The following NF1 variants were observed in gnomAD, a reference collection of about 807,000 sequenced individuals.
NF1 encodes neurofibromin 1, also known as neurofibromin.
NF1 carries 122 observed loss-of-function variants against 325.7 expected under a neutral mutation model. That is an observed-to-expected ratio of 0.37 (90% CI 0.32 to 0.44). NF1 has a LOEUF of 0.44. NF1 is among the 20% of genes least tolerant of loss of function. NF1 has a pLI of 1.00. For missense variants in NF1, 2,140 were observed against 3,415.4 expected, an observed-to-expected ratio of 0.63 and a Z score of 9.31; for synonymous variants, 1,091 against 1,186.0, an observed-to-expected ratio of 0.92 and a Z score of 1.65.
Position 31,232,768 on chromosome 17 carries a change from G to A in NF1, c.3383G>A (p.Gly1128Asp), listed in dbSNP as rs1060500325. 1 of 1,613,822 alleles carries A rather than the reference G, an allele frequency of 6.2e-7. No homozygotes were observed. The stretch of plus-strand genomic sequence containing the variant: ...GTTGAAGATGAAAGTGCGCAAACAG[G>A]TGGCAGGAAACGTGGCATGTCTCGG... ...SEVEDESAQT[G>D]GRKRGMSRRL... Residue 1128 changes from glycine (G) to aspartate (D), a missense_variant, in exon 26 of 58, where the codon GGT becomes GAT. Gly to Asp is a moderately conservative substitution (Grantham distance 94). Coordinates refer to ENST00000358273, the MANE Select transcript of NF1 (RefSeq NM_001042492.3).
Position 31,289,413 on chromosome 17 carries a change from G to A in NF1, c.4835+24074G>A, listed in dbSNP as rs114109467. 9.4e-3 allele frequency among the ~76,000 whole-genome samples: 1,428 copies of A among 152,226 alleles called. 24 individuals are homozygous for A. Among genetic ancestry groups the A allele is most frequent in the African/African-American group, 0.032 (1,345 of 41,522 alleles). Reference sequence around the variant, plus strand: ...CATCTTGTGTCTTCTTATTTCTCTTGTTTTCTTACTCAGTCTAGATGCCCT... The same window carrying A: ...CATCTTGTGTCTTCTTATTTCTCTTATTTTCTTACTCAGTCTAGATGCCCT... On this transcript the variant is annotated intron_variant, in intron 36 of 57. Coordinates refer to ENST00000358273, the MANE Select transcript of NF1 (RefSeq NM_001042492.3).
chr17:31,160,485 C>A (rs956893009), intron 3 of NF1, among the ~76,000 whole-genome samples: 4 of 152,118 alleles, frequency 2.6e-5, no homozygotes, highest in African/African-American at 9.7e-5. Flanking sequence ...CGAAGGTGAG[C>A]TAGTTGTTTT....
intron 1 of NF1, among the ~76,000 whole-genome samples, chr17:31,104,117 G>GT (rs1157598586): frequency 1.1e-4 from 17 of 152,044 alleles, no homozygotes; most frequent in Admixed American, 9.2e-4. Flanking sequence ...TTAAACAAAA[G>GT]TTTAAGTCAT....
Position 31,358,540 on chromosome 17 carries a change from G to A in NF1, c.8031G>A (p.Leu2677=), listed in dbSNP as rs1555536905. 1.2e-6 allele frequency: 2 copies of A among 1,613,802 alleles called. No homozygotes were observed. The highest frequency in any genetic ancestry group is 1.7e-6 in the Non-Finnish European group (2 of 1,179,914). ...TATCATTGTGCCAAGATCCAAATTT[G>A]TTAAATCCAATCCATGGAATTGTGC... ...TLLSLCQDPN[L]LNPIHGIVQS... is the part of the protein sequence containing the mutation. Residue 2677 remains leucine, a synonymous_variant, in exon 55 of 58, where the codon TTG becomes TTA. Coordinates refer to ENST00000358273, the MANE Select transcript of NF1 (RefSeq NM_001042492.3).
At chr17:31,351,962 G>A (rs1024699845) in intron 50 of NF1, among the ~76,000 whole-genome samples, 12 of 151,738 alleles carry the variant, frequency 7.9e-5, no homozygotes, top group African/African-American at 2.9e-4. Context: ...GGAAAGCTAA[G>A]AGATTGGACA....
Position 31,376,587 on chromosome 17 carries a change from A to G in NF1, c.*2432A>G, listed in dbSNP as rs1263571823. On this transcript the variant is annotated 3_prime_UTR_variant, in exon 58 of 58. Coordinates refer to ENST00000358273, the MANE Select transcript of NF1 (RefSeq NM_001042492.3). ...TACATGAGATAAACCTCTCACCACT[A>G]TGTGTCCCTTGAGAAATGCAACACT... 8.6e-6 allele frequency: 2 copies of G among 232,926 alleles called. No individual in the cohort carries two copies. Among genetic ancestry groups the G allele is most frequent in the Non-Finnish European group, 1.7e-5 (2 of 117,902 alleles). 14.4% of individuals were successfully genotyped at this position (232,926 alleles called of 1,614,324 possible).
chr17:31,283,953 G>C (rs2068174421), intron 36 of NF1, among the ~76,000 whole-genome samples: 1 of 152,166 alleles, frequency 6.6e-6, no homozygotes, highest in Non-Finnish European at 1.5e-5. Context: ...ACATTACTTG[G>C]GTGTTAGTGG....
chr17:31,220,919 AAT>A (rs2066910789), intron 14 of NF1, among the ~76,000 whole-genome samples: 1 of 152,154 alleles, frequency 6.6e-6, no homozygotes, highest in African/African-American at 2.4e-5. Flanking sequence ...GAGAGCTATA[AAT>A]TATATAGCTT....
intron 16 of NF1, among the ~76,000 whole-genome samples, chr17:31,224,495 T>C (rs1039511196): frequency 1.3e-5 from 2 of 152,174 alleles, no homozygotes; most frequent in African/African-American, 2.4e-5. Flanking sequence ...TTATTTGATA[T>C]GTTAATGTAG....
chr17:31,363,921 A>G (rs1399075925), intron 57 of NF1, among the ~76,000 whole-genome samples: 1 of 150,668 alleles, frequency 6.6e-6, no homozygotes, highest in African/African-American at 2.4e-5. Context: ...TTGTATTTTT[A>G]GTAGAAACCC....
intron 1 of NF1, among the ~76,000 whole-genome samples, chr17:31,130,090 T>A (rs1355322157): frequency 6.6e-6 from 1 of 150,828 alleles, no homozygotes; most frequent in Non-Finnish European, 1.5e-5. Flanking sequence ...TTTTGTTTTT[T>A]TTTTTTTATC....
At chr17:31,277,827 G>A (rs552482553) in intron 36 of NF1, among the ~76,000 whole-genome samples, 1 of 152,242 alleles carries the variant, frequency 6.6e-6, no homozygotes, top group Non-Finnish European at 1.5e-5. Flanking sequence ...ACTACTTCAG[G>A]TGTAGTATCA....
At chr17:31,243,458 T>G (rs1436081089) in intron 29 of NF1, among the ~76,000 whole-genome samples, 2 of 151,668 alleles carry the variant, frequency 1.3e-5, no homozygotes, top group Admixed American at 1.3e-4. Flanking sequence ...TAGAGTTGGG[T>G]ACATCAGAGA....
chr17:31,207,046 G>A (rs1029984898), intron 12 of NF1, among the ~76,000 whole-genome samples: 1 of 152,130 alleles, frequency 6.6e-6, no homozygotes, highest in Non-Finnish European at 1.5e-5. Flanking sequence ...TGGTGTTTAT[G>A]TATAGCAAGA....
chr17:31,235,623 C>A lies in NF1; in HGVS notation c.3721C>A (p.Arg1241=), dbSNP rs137854562. Residue 1241 remains arginine, a synonymous_variant, in exon 28 of 58, where the codon CGA becomes AGA. Coordinates refer to ENST00000358273, the MANE Select transcript of NF1 (RefSeq NM_001042492.3). ...VPCSQWDELA[R]VLVTLFDSRH... ...GTTTTGTTCTCAGGATGAACTAGCTCGAGTTCTGGTTACTCTGTTTGATTC... is the reference window on the plus strand; with the variant it reads ...GTTTTGTTCTCAGGATGAACTAGCTAGAGTTCTGGTTACTCTGTTTGATTC... The A allele has an allele frequency of 3.1e-6, 5 of 1,614,058 alleles. No homozygotes were observed. The highest frequency in any genetic ancestry group is 4.2e-6 in the Non-Finnish European group (5 of 1,180,000).
At chr17:31,181,592 A>G (rs868559133) in intron 6 of NF1, 103 bp downstream of exon 6, 7 of 1,325,688 alleles carry the variant, frequency 5.3e-6, no homozygotes, top group Middle Eastern at 3.7e-4. Flanking sequence ...ATAGTTTCAC[A>G]TTCATTTTCA....
Position 31,152,034 on chromosome 17 carries a change from C to A in NF1, c.61-3949C>A, listed in dbSNP as rs111845478. On this transcript the variant is annotated intron_variant, in intron 1 of 57. Transcript: ENST00000358273. ...TCTCCTAATGCTATTCCTCCCCCCT[C>A]CCCCTACCCCACGACAGGCCCCGGT... Among the ~76,000 whole-genome samples, 1,145 of 152,152 alleles carry A rather than the reference C, an allele frequency of 7.5e-3. 21 individuals are homozygous for A. The highest frequency in any genetic ancestry group is 0.027 in the African/African-American group (1,100 of 41,504).
intron 25 of NF1, 70 bp from the exon 26 acceptor site, chr17:31,232,630 T>A: frequency 7.0e-7 from 1 of 1,428,678 alleles, no homozygotes; most frequent in Non-Finnish European, 9.8e-7. Flanking sequence ...ATGATTGTTT[T>A]GGAATGTCTG....
intron 27 of NF1, 58 bp downstream of exon 27, chr17:31,233,271 A>G: frequency 7.2e-7 from 1 of 1,394,178 alleles, no homozygotes; most frequent in Non-Finnish European, 1.0e-6. Flanking sequence ...AATCCTTCAG[A>G]ATATATTTGT....
Sources: gnomAD v4.1 joint callset for allele counts (sites outside exome capture counted in the v4.1 genomes callset) on GRCh38, gnomAD v4.1.1 for gene constraint, MANE v1.5 for transcripts, NCBI Gene and HGNC (gene_info 2026-07-23, HGNC 2026-07-21) for gene names.